The following ASPRV1 variants were observed in gnomAD, a reference collection of about 807,000 sequenced individuals.
ASPRV1 encodes aspartic peptidase retroviral like 1, also known as retroviral-like aspartic protease 1.
In ASPRV1, 7 loss-of-function variants were observed where a neutral mutation model predicts 11.0. The observed-to-expected ratio is 0.64, with a 90% confidence interval of 0.36 to 1.20. The LOEUF is 1.20. Among genes scored for constraint, ASPRV1 ranks in the 50% most tolerant of loss-of-function variants. ASPRV1 has a pLI of 0.02. For missense variants in ASPRV1, 299 were observed against 320.0 expected, an observed-to-expected ratio of 0.93 and a Z score of 0.50; for synonymous variants, 136 against 138.4, an observed-to-expected ratio of 0.98 and a Z score of 0.12.
the ASPRV1 span, among the ~76,000 whole-genome samples, chr2:70,078,181 T>A: frequency 6.6e-6 from 1 of 152,144 alleles, no homozygotes; most frequent in African/African-American, 2.4e-5. Context: ...TTAAATAAAT[T>A]TATTCATTCA....
chr2:69,965,952 G>A (rs1184099487), upstream of ASPRV1, among the ~76,000 whole-genome samples: 5 of 152,198 alleles, frequency 3.3e-5, no homozygotes, highest in South Asian at 2.1e-4. Flanking sequence ...TCCCATTTGG[G>A]TCTCCCTCCT....
chr2:69,986,171 G>T, the ASPRV1 span, among the ~76,000 whole-genome samples: 1 of 152,192 alleles, frequency 6.6e-6, no homozygotes, highest in African/African-American at 2.4e-5. Flanking sequence ...AGTAAGCAAG[G>T]CGTCTAATAT....
chr2:70,059,555 G>C, the ASPRV1 span: 8 of 152,298 alleles, frequency 5.3e-5, no homozygotes, highest in Admixed American at 3.9e-4. Flanking sequence ...AATGGTCTCA[G>C]GATAATTCAA....
At chr2:69,994,158 T>C in the ASPRV1 span, 1 of 152,446 alleles carries the variant, frequency 6.6e-6, no homozygotes, top group African/African-American at 2.4e-5. Flanking sequence ...TCTGTCGTCG[T>C]GTCACTGTCA....
the ASPRV1 span, among the ~76,000 whole-genome samples, chr2:69,987,582 C>CAA: frequency 9.5e-4 from 46 of 48,182 alleles, no homozygotes; most frequent in Non-Finnish European, 1.0e-3. Context: ...CTCATCTCTA[C>CAA]AAAAAAAAAA....
chr2:69,938,363 A>G, the ASPRV1 span: 1 of 1,432,040 alleles, frequency 7.0e-7, no homozygotes, highest in African/African-American at 1.4e-5. Flanking sequence ...CCTGCCCACA[A>G]CTCCCTTGCA....
At chr2:70,063,485 T>TG in the ASPRV1 span, among the ~76,000 whole-genome samples, 1,830 of 152,330 alleles carry the variant, frequency 0.012, 18 homozygotes, top group Non-Finnish European at 0.017. Context: ...CTCCTATGCC[T>TG]GGTTCAGTGG....
chr2:69,999,095 ATATT>A, the ASPRV1 span, among the ~76,000 whole-genome samples: 2 of 152,156 alleles, frequency 1.3e-5, no homozygotes, highest in African/African-American at 2.4e-5. Flanking sequence ...ATCTAGATTA[ATATT>A]TATTTTATTT....
the ASPRV1 span, among the ~76,000 whole-genome samples, chr2:70,076,948 G>A: frequency 8.5e-5 from 13 of 152,314 alleles, no homozygotes; most frequent in African/African-American, 2.4e-4. Flanking sequence ...GTTGAAAATT[G>A]TAAGTCAAAC....
the ASPRV1 span, among the ~76,000 whole-genome samples, chr2:70,083,196 A>G: frequency 3.9e-5 from 6 of 152,362 alleles, no homozygotes; most frequent in African/African-American, 1.2e-4. Flanking sequence ...ATCAAAGTCC[A>G]TATCAAAAGC....
chr2:70,058,899 T>TC, the ASPRV1 span, among the ~76,000 whole-genome samples: 1 of 145,128 alleles, frequency 6.9e-6, no homozygotes, highest in African/African-American at 2.6e-5. Flanking sequence ...TTTTTTTTTT[T>TC]TTTTTGAGAC....
At chr2:70,073,731 G>A in the ASPRV1 span, among the ~76,000 whole-genome samples, 1 of 152,056 alleles carries the variant, frequency 6.6e-6, no homozygotes, top group East Asian at 1.9e-4. Flanking sequence ...CCAGAGGCTG[G>A]GTTCCCTTGG....
the ASPRV1 span, among the ~76,000 whole-genome samples, chr2:70,003,834 TATC>T: frequency 6.6e-6 from 1 of 152,186 alleles, no homozygotes. Flanking sequence ...TGAATGCTAT[TATC>T]ATGGGAGTGG....
the ASPRV1 span, among the ~76,000 whole-genome samples, chr2:69,981,599 C>G: frequency 6.6e-6 from 1 of 152,202 alleles, no homozygotes; most frequent in East Asian, 1.9e-4. Flanking sequence ...CTCTGTTACC[C>G]AGGCTGGAGT....
the ASPRV1 span, among the ~76,000 whole-genome samples, chr2:70,065,165 T>C: frequency 2.0e-5 from 3 of 151,506 alleles, no homozygotes; most frequent in African/African-American, 7.3e-5. Context: ...TCCCAGCACT[T>C]TGGGAGGTTG....
the ASPRV1 span, among the ~76,000 whole-genome samples, chr2:69,944,407 G>A: frequency 6.6e-6 from 1 of 152,252 alleles, no homozygotes; most frequent in Non-Finnish European, 1.5e-5. Context: ...GTGCGCCACT[G>A]CAGGGCCTCC....
chr2:70,068,047 C>T, the ASPRV1 span, among the ~76,000 whole-genome samples: 1 of 152,202 alleles, frequency 6.6e-6, no homozygotes, highest in Non-Finnish European at 1.5e-5. Context: ...CACCAAGCCC[C>T]CTAAGTCCAC....
downstream of ASPRV1, among the ~76,000 whole-genome samples, chr2:69,956,512 G>GGGA (rs1007276977): frequency 1.5e-5 from 2 of 130,340 alleles, no homozygotes; most frequent in Non-Finnish European, 1.6e-5. Flanking sequence ...AGAGGAGGAG[G>GGGA]GGAGGAGGAG....
chr2:69,940,652 G>A, the ASPRV1 span: 2 of 152,568 alleles, frequency 1.3e-5, no homozygotes, highest in Non-Finnish European at 2.9e-5. Flanking sequence ...CCTTTGCACT[G>A]TTTGTCTGGT....
Sources: gnomAD v4.1 joint callset for allele counts (sites outside exome capture counted in the v4.1 genomes callset) on GRCh38, gnomAD v4.1.1 for gene constraint, MANE v1.5 for transcripts, NCBI Gene and HGNC (gene_info 2026-07-23, HGNC 2026-07-21) for gene names.